Variants in TENM3 observed in about 807,000 individuals in gnomAD.
TENM3 encodes the protein teneurin-3.
TENM3 carries 63 observed loss-of-function variants against 255.1 expected under a neutral mutation model. The observed-to-expected ratio is 0.25, with a 90% CI of 0.20 to 0.30. The LOEUF is 0.30. Among genes scored for constraint, TENM3 ranks in the 10% least tolerant of loss-of-function variants. The pLI, the probability that TENM3 is intolerant of heterozygous loss-of-function variation, is 1.00. For synonymous variants in TENM3, 1,306 were observed against 1,322.3 expected (o/e 0.99, Z 0.27); for missense variants, 2,929 against 3,461.1 (o/e 0.85, Z 3.86).
At chr4:182,284,097 A>G (rs1354949914) in intron 1 of TENM3, among the ~76,000 whole-genome samples, 1 of 152,220 alleles carries the variant, frequency 6.6e-6, no homozygotes, top group African/African-American at 2.4e-5. Flanking sequence ...CTACGTTTAT[A>G]AGACATGAGA....
chr4:182,387,525 C>T (rs1436472289), intron 3 of TENM3, among the ~76,000 whole-genome samples: 1 of 152,152 alleles, frequency 6.6e-6, no homozygotes, highest in Non-Finnish European at 1.5e-5. Context: ...GCAGTGGCAA[C>T]ACGCTTGGGT....
At chr4:181,596,390 G>T in the TENM3 span, among the ~76,000 whole-genome samples, 3 of 151,984 alleles carry the variant, frequency 2.0e-5, no homozygotes, top group African/African-American at 7.3e-5. Flanking sequence ...TCCCAGTTTT[G>T]GGTGTCTTTA....
intron 22 of TENM3, among the ~76,000 whole-genome samples, chr4:182,770,072 T>C (rs921567229): frequency 5.3e-5 from 8 of 149,908 alleles, no homozygotes; most frequent in South Asian, 4.3e-4. Flanking sequence ...TGCCACTGCA[T>C]TCCAGTCTGG....
the TENM3 span, among the ~76,000 whole-genome samples, chr4:181,849,700 A>G: frequency 2.6e-5 from 4 of 152,250 alleles, no homozygotes; most frequent in African/African-American, 7.2e-5. Context: ...GTCCTTTTGT[A>G]TGACATTATA....
the TENM3 span, among the ~76,000 whole-genome samples, chr4:181,936,095 A>G: frequency 1.5e-4 from 23 of 152,298 alleles, no homozygotes; most frequent in Admixed American, 2.6e-4. Context: ...TTTATTTTGC[A>G]TAATTAAGAA....
At chr4:181,518,997 G>A in the TENM3 span, among the ~76,000 whole-genome samples, 1 of 152,152 alleles carries the variant, frequency 6.6e-6, no homozygotes, top group Admixed American at 6.5e-5. Context: ...ATTAATAAAA[G>A]AGTTCGTTTT....
intron 1 of TENM3, among the ~76,000 whole-genome samples, chr4:182,149,683 G>A (rs143508985): frequency 4.6e-5 from 7 of 151,996 alleles, no homozygotes; most frequent in Non-Finnish European, 1.0e-4. Context: ...AGTCTTAACC[G>A]AGTTCCTTGA....
At chr4:181,783,004 G>A in the TENM3 span, among the ~76,000 whole-genome samples, 2 of 152,146 alleles carry the variant, frequency 1.3e-5, no homozygotes, top group Non-Finnish European at 2.9e-5. Context: ...CATAATTTCT[G>A]TTCTTTTACA....
At chr4:182,711,492 C>T (rs777551259) in intron 12 of TENM3, 82 of 445,328 alleles carry the variant, frequency 1.8e-4, no homozygotes, top group Non-Finnish European at 2.3e-4. Flanking sequence ...ACTCAATTTG[C>T]ATGTAGATTC....
chr4:182,404,090 A>C (rs965666655), intron 3 of TENM3, among the ~76,000 whole-genome samples: 2 of 152,186 alleles, frequency 1.3e-5, no homozygotes, highest in African/African-American at 4.8e-5. Context: ...GAATTTGCTA[A>C]TTCCTTTTTT....
At chr4:181,460,489 A>G in the TENM3 span, among the ~76,000 whole-genome samples, 1,209 of 151,930 alleles carry the variant, frequency 8.0e-3, 16 homozygotes, top group Middle Eastern at 0.014. Flanking sequence ...TTCTTTATAT[A>G]TTATAGCTCA....
chr4:182,014,519 T>C, the TENM3 span, among the ~76,000 whole-genome samples: 3 of 152,082 alleles, frequency 2.0e-5, no homozygotes, highest in Non-Finnish European at 4.4e-5. Context: ...AAAATTCAGA[T>C]TTTATGAGGA....
intron 1 of TENM3, among the ~76,000 whole-genome samples, chr4:182,202,461 A>G (rs963867188): frequency 6.6e-6 from 1 of 151,890 alleles, no homozygotes; most frequent in African/African-American, 2.4e-5. Flanking sequence ...ATGCACCACC[A>G]CACCCAGCTA....
chr4:181,953,277 C>T, the TENM3 span, among the ~76,000 whole-genome samples: 25 of 95,842 alleles, frequency 2.6e-4, no homozygotes, highest in Non-Finnish European at 3.0e-4. Context: ...CCACCACCAC[C>T]ATCATCATCA....
At chr4:182,189,529 C>T (rs1753378092) in intron 1 of TENM3, among the ~76,000 whole-genome samples, 1 of 152,110 alleles carries the variant, frequency 6.6e-6, no homozygotes, top group South Asian at 2.1e-4. Flanking sequence ...TAGCATCTGA[C>T]CTTGAGACAA....
the TENM3 span, among the ~76,000 whole-genome samples, chr4:181,697,462 T>C: frequency 6.6e-6 from 1 of 152,164 alleles, no homozygotes; most frequent in Non-Finnish European, 1.5e-5. Flanking sequence ...GGCGTGATCT[T>C]GGCTCTCTGC....
intron 3 of TENM3, among the ~76,000 whole-genome samples, chr4:182,476,625 G>A (rs1369979142): frequency 1.3e-5 from 2 of 151,918 alleles, no homozygotes; most frequent in Non-Finnish European, 2.9e-5. Flanking sequence ...AGTTTTTATT[G>A]CTGTAATTCT....
chr4:182,662,853 T>C (rs1187333421), intron 6 of TENM3, among the ~76,000 whole-genome samples: 1 of 152,180 alleles, frequency 6.6e-6, no homozygotes, highest in Non-Finnish European at 1.5e-5. Context: ...TTGAAAATGC[T>C]AACAGGAATG....
the TENM3 span, among the ~76,000 whole-genome samples, chr4:181,781,933 G>A: frequency 1.2e-4 from 18 of 152,252 alleles, no homozygotes; most frequent in South Asian, 4.1e-4. Flanking sequence ...ACTGATTTGC[G>A]TATATTGAAC....
Sources: allele counts gnomAD v4.1 joint callset (sites outside exome capture counted in the v4.1 genomes callset), GRCh38; gene constraint gnomAD v4.1.1; transcripts MANE v1.5; gene names NCBI Gene and HGNC (gene_info 2026-07-23, HGNC 2026-07-21).